ECT2L: variants seen among roughly 807,000 people sequenced by gnomAD.
The protein encoded by ECT2L is epithelial cell-transforming sequence 2 oncogene-like.
Under a neutral mutation model 122.8 loss-of-function variants are expected in ECT2L, and 126 were observed. The ratio of observed to expected loss-of-function variants is 1.03; its 90% CI spans 0.89 to 1.19. ECT2L has a LOEUF of 1.19. Among genes scored for constraint, ECT2L ranks in the 50% most tolerant of loss-of-function variants. ECT2L has a pLI of 0.00. For missense variants in ECT2L, 1,012 were observed against 1,064.1 expected (o/e 0.95, Z 0.68); for synonymous variants, 385 against 381.8 (o/e 1.01, Z -0.10).
chr6:138,872,747 A>T (rs1427137552), intron 13 of ECT2L, among the ~76,000 whole-genome samples: 1 of 152,196 alleles, frequency 6.6e-6, no homozygotes, highest in Non-Finnish European at 1.5e-5. Flanking sequence ...TCCTTTCAAC[A>T]TCTGCTGATT....
intron 11 of ECT2L, among the ~76,000 whole-genome samples, chr6:138,863,540 G>A (rs767970919): frequency 2.6e-5 from 4 of 152,120 alleles, no homozygotes; most frequent in African/African-American, 4.8e-5. Context: ...TTGGCTCTGC[G>A]GAGAGAGGAA....
At chr6:138,871,828 C>A (rs1364095451) in intron 13 of ECT2L, among the ~76,000 whole-genome samples, 1 of 151,510 alleles carries the variant, frequency 6.6e-6, no homozygotes, top group Non-Finnish European at 1.5e-5. Flanking sequence ...CAAAAAAAAA[C>A]AAAACAACAA....
chr6:138,901,204 G>A, intron 21 of ECT2L, 84 bp downstream of exon 21: 1 of 1,364,690 alleles, frequency 7.3e-7, no homozygotes, highest in Admixed American at 2.3e-5. Context: ...GTAGAAAAAG[G>A]ACTGGAATTA....
intron 5 of ECT2L, among the ~76,000 whole-genome samples, chr6:138,839,364 C>CTT (rs11325945): frequency 6.8e-6 from 1 of 147,612 alleles, no homozygotes; most frequent in Non-Finnish European, 1.5e-5. Context: ...TAAACACATA[C>CTT]TTTTTTTTTT....
intron 4 of ECT2L, among the ~76,000 whole-genome samples, chr6:138,835,215 C>A (rs1776790131): frequency 6.6e-6 from 1 of 152,136 alleles, no homozygotes; most frequent in Non-Finnish European, 1.5e-5. Flanking sequence ...CAAATAATGT[C>A]TTTATCCCTT....
chr6:138,842,582 T>C (rs533668436), intron 5 of ECT2L, among the ~76,000 whole-genome samples: 46 of 152,118 alleles, frequency 3.0e-4, no homozygotes, highest in East Asian at 1.2e-3. Context: ...CCATCCTGGC[T>C]AACACGGTGA....
chr6:138,891,259 C>T (rs11961730), intron 20 of ECT2L, among the ~76,000 whole-genome samples: 13,410 of 152,194 alleles, frequency 0.088, 1,238 homozygotes, highest in African/African-American at 0.23. Flanking sequence ...TCATAGTTTA[C>T]CTCAAAATAT....
chr6:138,829,759 G>C (rs1776584837), intron 4 of ECT2L, among the ~76,000 whole-genome samples: 1 of 150,840 alleles, frequency 6.6e-6, no homozygotes, highest in South Asian at 2.1e-4. Flanking sequence ...GTCTCACTCT[G>C]TTTCCCAGGC....
At chr6:138,846,888 G>A (rs554606188) in intron 8 of ECT2L, among the ~76,000 whole-genome samples, 7 of 150,370 alleles carry the variant, frequency 4.7e-5, no homozygotes, top group Non-Finnish European at 1.0e-4. Context: ...CTGGAGCCCA[G>A]GAGATGGAGG....
At chr6:138,853,930 AT>A in intron 9 of ECT2L, 95 bp from the exon 10 acceptor site, 1 of 1,404,392 alleles carries the variant, frequency 7.1e-7, no homozygotes, top group Non-Finnish European at 9.8e-7. Context: ...GGCAGATGGC[AT>A]TTTGATTTTG....
intron 18 of ECT2L, among the ~76,000 whole-genome samples, chr6:138,886,175 T>G (rs1778814221): frequency 6.6e-6 from 1 of 151,958 alleles, no homozygotes; most frequent in Non-Finnish European, 1.5e-5. Flanking sequence ...AATGCATTAA[T>G]TAGCTTTCCT....
At position 138,888,945 on chromosome 6, in the gene ECT2L, T is replaced by G; in HGVS notation, c.2328T>G (p.Thr776=). ...TAATTTTGTTTTTGATTTTACAGAC[T>G]CTATCAGAAGTAAACAGATATCTGA... is the stretch of plus-strand genomic sequence containing the variant. ...DIQRIIWGCP[T]LSEVNRYLIR... is the part of the protein sequence containing the mutation. Residue 776 remains threonine, a splice_region_variant and synonymous_variant, in exon 20 of 22, where the codon ACT becomes ACG. Coordinates refer to ENST00000541398, the MANE Select transcript of ECT2L (RefSeq NM_001077706.3). 6.9e-7 allele frequency: 1 copy of G among 1,440,672 alleles called. No homozygotes were observed. Among genetic ancestry groups the G allele is most frequent in the Non-Finnish European group, 9.2e-7 (1 of 1,082,866 alleles). 89.2% of individuals were successfully genotyped at this position (1,440,672 alleles called of 1,614,324 possible).
chr6:138,799,500 C>G lies in ECT2L; in HGVS notation c.-244+3308C>G, dbSNP rs571368023. 4.1e-3 allele frequency among the ~76,000 whole-genome samples: 619 copies of G among 152,228 alleles called. 1 individual carries two copies. Among genetic ancestry groups the G allele is most frequent in the Non-Finnish European group, 5.6e-3 (384 of 68,012 alleles). Reference sequence around the variant, plus strand: ...TCGATCTCCTGACCTCATGATCCGCCCGCCTTGGCCTCCCAAAGTGCTGGG... The same window carrying G: ...TCGATCTCCTGACCTCATGATCCGCGCGCCTTGGCCTCCCAAAGTGCTGGG... On this transcript the variant is annotated intron_variant, in intron 1 of 21. Transcript: ENST00000541398.
At chr6:138,826,624 A>T (rs867523754) in intron 4 of ECT2L, among the ~76,000 whole-genome samples, 7 of 152,080 alleles carry the variant, frequency 4.6e-5, no homozygotes, top group Non-Finnish European at 1.0e-4. Flanking sequence ...CCGAGATTGC[A>T]TTATAGCACT....
intron 9 of ECT2L, among the ~76,000 whole-genome samples, chr6:138,852,362 G>A (rs899258561): frequency 2.0e-5 from 3 of 150,846 alleles, no homozygotes; most frequent in African/African-American, 7.3e-5. Flanking sequence ...AAGAGATGAT[G>A]AATGTTTTAG....
intron 20 of ECT2L, among the ~76,000 whole-genome samples, chr6:138,891,538 T>C (rs1398909694): frequency 1.3e-5 from 2 of 152,010 alleles, no homozygotes; most frequent in Non-Finnish European, 1.5e-5. Context: ...TCCAGATCTT[T>C]AGATAAACTT....
intron 20 of ECT2L, among the ~76,000 whole-genome samples, chr6:138,896,774 A>G (rs1342995287): frequency 7.9e-5 from 12 of 152,040 alleles, no homozygotes; most frequent in Admixed American, 7.9e-4. Flanking sequence ...CAGCCTCCCA[A>G]GTAGCTGGGA....
intron 8 of ECT2L, among the ~76,000 whole-genome samples, chr6:138,848,843 A>G (rs1470861004): frequency 6.6e-6 from 1 of 152,174 alleles, no homozygotes; most frequent in African/African-American, 2.4e-5. Context: ...TTGTAGAGAC[A>G]GGGGTTTCCT....
chr6:138,866,963 A>C (rs1234273998), intron 12 of ECT2L, among the ~76,000 whole-genome samples: 4 of 152,112 alleles, frequency 2.6e-5, no homozygotes, highest in Non-Finnish European at 5.9e-5. Context: ...AATCCCAGCT[A>C]CTTAGGAGGC....
Sources: allele counts gnomAD v4.1 joint callset (sites outside exome capture counted in the v4.1 genomes callset), GRCh38; gene constraint gnomAD v4.1.1; transcripts MANE v1.5; gene names NCBI Gene and HGNC (gene_info 2026-07-23, HGNC 2026-07-21).